The following VAMP4 variants were observed in gnomAD, a reference collection of about 807,000 sequenced individuals.
VAMP4 encodes vesicle associated membrane protein 4.
VAMP4 carries 19 observed loss-of-function variants against 23.5 expected under a neutral mutation model. The observed-to-expected ratio is 0.81, with a 90% confidence interval of 0.56 to 1.19. The LOEUF is 1.19. Ranked by LOEUF, VAMP4 falls within the 50% of genes most tolerant of loss-of-function variation. The pLI, the probability that VAMP4 is intolerant of heterozygous loss-of-function variation, is 0.00. For missense variants in VAMP4, 145 were observed against 168.6 expected, an observed-to-expected ratio of 0.86 and a Z score of 0.78; for synonymous variants, 31 against 51.0, an observed-to-expected ratio of 0.61 and a Z score of 1.67.
rs1655938107 is a variant in VAMP4 at position 171,741,928 on chromosome 1, T to A, written c.-68A>T. On this transcript the variant is annotated 5_prime_UTR_variant, in exon 1 of 8. Transcript: ENST00000236192. Reference sequence around the variant, plus strand: ...CCAGTACCTGAGGCTCCCGGGGAACTCCCGGCAGCTCTCCCGGGCTGGCGG... The same window carrying A: ...CCAGTACCTGAGGCTCCCGGGGAACACCCGGCAGCTCTCCCGGGCTGGCGG... The A allele has an allele frequency of 6.6e-6, 1 of 152,258 alleles. No individual in the cohort carries two copies. Among genetic ancestry groups the A allele is most frequent in the African/African-American group, 2.4e-5 (1 of 41,428 alleles). The allele number at this position is 152,258 out of a possible 1,614,324, so 9.4% of individuals were successfully genotyped here. A position where few individuals can be genotyped will look rare whatever the true frequency, so the allele number is the denominator to read the frequency against.
rs1368439715 is a variant in VAMP4 at position 171,703,366 on chromosome 1, C to G, written c.*1140G>C. 1 of 142,836 alleles carries G rather than the reference C, an allele frequency of 7.0e-6. No individual in the cohort carries two copies. Among genetic ancestry groups the G allele is most frequent in the African/African-American group, 2.6e-5 (1 of 38,530 alleles). The allele number at this position is 142,836 out of a possible 1,614,324, so 8.8% of individuals were successfully genotyped here. A position where few individuals can be genotyped will look rare whatever the true frequency, so the allele number is the denominator to read the frequency against. On this transcript the variant is annotated 3_prime_UTR_variant, in exon 8 of 8. Coordinates refer to ENST00000236192, the MANE Select transcript of VAMP4 (RefSeq NM_003762.5). The stretch of plus-strand genomic sequence containing the variant: ...ATGGTCACTCTCTAGCATTTGGTTA[C>G]CGACTGACTGATTATCATATGTGTG...
At position 171,735,705 on chromosome 1, in the gene VAMP4, G is replaced by A. The variant is rs1043787422; in HGVS notation, c.66+2644C>T. 2.0e-5 allele frequency among the ~76,000 whole-genome samples: 3 copies of A among 152,158 alleles called. No homozygotes were observed. In the East Asian group the frequency reaches 5.8e-4, roughly 29 times the overall value. Reference sequence around the variant, plus strand: ...AAATATTTCAGCATGCTTTGTGCACGCTGATCACTGAATATTCATCAGGAG... The same window carrying A: ...AAATATTTCAGCATGCTTTGTGCACACTGATCACTGAATATTCATCAGGAG... On this transcript the variant is annotated intron_variant, in intron 2 of 7. Transcript: ENST00000236192.
intron 3 of VAMP4, among the ~76,000 whole-genome samples, chr1:171,723,092 G>A (rs144461834): frequency 1.7e-3 from 260 of 152,210 alleles, no homozygotes; most frequent in African/African-American, 5.7e-3. Context: ...CCCCTACGCC[G>A]CAAAACCAGC....
intron 2 of VAMP4, among the ~76,000 whole-genome samples, chr1:171,729,995 C>T (rs1655510670): frequency 6.6e-6 from 1 of 152,092 alleles, no homozygotes; most frequent in Admixed American, 6.5e-5. Context: ...AGACATTACA[C>T]TAATGGTTTT....
At chr1:171,736,497 G>C (rs1314823464) in intron 2 of VAMP4, among the ~76,000 whole-genome samples, 1 of 152,170 alleles carries the variant, frequency 6.6e-6, no homozygotes, top group East Asian at 1.9e-4. Flanking sequence ...CAAAATGGTT[G>C]AAACTGCACC....
At chr1:171,726,215 C>T (rs1293088893) in intron 3 of VAMP4, among the ~76,000 whole-genome samples, 2 of 151,578 alleles carry the variant, frequency 1.3e-5, no homozygotes, top group Admixed American at 1.3e-4. Flanking sequence ...CCATGCCTGG[C>T]TAATTTTTGT....
chr1:171,708,790 C>T (rs1019059385), intron 6 of VAMP4, among the ~76,000 whole-genome samples: 3 of 149,194 alleles, frequency 2.0e-5, no homozygotes, highest in Non-Finnish European at 4.4e-5. Flanking sequence ...GCAGAAGAAT[C>T]GCTTGAACCC....
At chr1:171,709,638 C>G in intron 6 of VAMP4, 27 bp downstream of exon 6, 1 of 1,608,154 alleles carries the variant, frequency 6.2e-7, no homozygotes, top group Non-Finnish European at 8.5e-7. Context: ...GCTGACCAGT[C>G]TATCCAGTAG....
chr1:171,725,658 G>A (rs1655338710), intron 3 of VAMP4, among the ~76,000 whole-genome samples: 1 of 151,394 alleles, frequency 6.6e-6, no homozygotes, highest in Non-Finnish European at 1.5e-5. Flanking sequence ...TATCTATCCT[G>A]TAAGCTCTTT....
At chr1:171,716,907 TTTC>T (rs1655037377) in intron 4 of VAMP4, among the ~76,000 whole-genome samples, 1 of 152,222 alleles carries the variant, frequency 6.6e-6, no homozygotes, top group African/African-American at 2.4e-5. Context: ...TCCAGCAAGC[TTTC>T]AGCTCTAGAG....
chr1:171,731,470 A>C (rs539494382), intron 2 of VAMP4, among the ~76,000 whole-genome samples: 1 of 152,294 alleles, frequency 6.6e-6, no homozygotes, highest in South Asian at 2.1e-4. Flanking sequence ...GAATTAAAAC[A>C]GTGATGGGAC....
At chr1:171,725,624 A>G (rs1285640249) in intron 3 of VAMP4, among the ~76,000 whole-genome samples, 2 of 151,370 alleles carry the variant, frequency 1.3e-5, no homozygotes, top group Admixed American at 6.6e-5. Context: ...AAATGATACT[A>G]TTTTCTGTTA....
At chr1:171,719,133 A>T in intron 4 of VAMP4, 38 bp downstream of exon 4, 2 of 1,592,384 alleles carry the variant, frequency 1.3e-6, no homozygotes, top group Non-Finnish European at 8.6e-7. Context: ...GTCTACACAG[A>T]AATATGATTA....
chr1:171,710,570 G>A, intron 5 of VAMP4, 144 bp downstream of exon 5: 1 of 553,260 alleles, frequency 1.8e-6, no homozygotes, highest in Non-Finnish European at 3.1e-6. Context: ...AAGTAAAGGA[G>A]TTAAAATTAA....
In VAMP4 at chr1:171,704,368, A is replaced by G; in HGVS notation, c.*138T>C. ...GATAATTGGACATTCTCAACGTTCC[A>G]ATTTGAAGTGATACTTGCCTCTTAG... On this transcript the variant is annotated 3_prime_UTR_variant, in exon 8 of 8. Transcript: ENST00000236192. The G allele has an allele frequency of 1.9e-6, 1 of 525,380 alleles. No individual in the cohort carries two copies. The allele number at this position is 525,380 out of a possible 1,614,324, so 32.5% of individuals were successfully genotyped here. A position where few individuals can be genotyped will look rare whatever the true frequency, so the allele number is the denominator to read the frequency against.
chr1:171,707,718 G>A lies in VAMP4; in HGVS notation c.346-1300C>T, dbSNP rs575048157. The stretch of plus-strand genomic sequence containing the variant: ...GAACAATGATTTTCATTACATGGTC[G>A]ATGCTATTCATGGTCCCCAGAGGTT... On this transcript the variant is annotated intron_variant, in intron 6 of 7. Coordinates refer to ENST00000236192, the MANE Select transcript of VAMP4 (RefSeq NM_003762.5). Among the ~76,000 whole-genome samples, 9 of 152,168 alleles carry A rather than the reference G, an allele frequency of 5.9e-5. No homozygotes were observed. The Middle Eastern group carries it at 0.01, about 173-fold the overall frequency.
intron 3 of VAMP4, among the ~76,000 whole-genome samples, chr1:171,722,272 T>C (rs1655221223): frequency 6.6e-6 from 1 of 152,154 alleles, no homozygotes; most frequent in Admixed American, 6.6e-5. Flanking sequence ...GATTAAAGAC[T>C]TAAATGTTAA....
Position 171,704,551 on chromosome 1 carries a change from G to GA in VAMP4, c.398-18dup, listed in dbSNP as rs1388110062. 6.4e-7 allele frequency: 1 copy of GA among 1,564,000 alleles called. No individual in the cohort carries two copies. The highest frequency in any genetic ancestry group is 8.7e-7 in the Non-Finnish European group (1 of 1,150,794). On this transcript the variant is annotated splice_polypyrimidine_tract_variant and intron_variant, in intron 7 of 7. Transcript: ENST00000236192. ...CTATAAGAACTGTAAGAGAAAACAT[G>GA]AAAAAAGCAATATATCAACATCAGA...
intron 2 of VAMP4, 74 bp from the exon 3 acceptor site, chr1:171,728,644 T>C (rs1386378152): frequency 1.8e-5 from 25 of 1,427,574 alleles, no homozygotes; most frequent in Non-Finnish European, 2.3e-5. Flanking sequence ...AGTAATGAAA[T>C]AAGTCCTATA....
Sources: allele counts gnomAD v4.1 joint callset (sites outside exome capture counted in the v4.1 genomes callset), GRCh38; gene constraint gnomAD v4.1.1; transcripts MANE v1.5; gene names NCBI Gene and HGNC (gene_info 2026-07-23, HGNC 2026-07-21).